The following LRRTM4 variants were observed in gnomAD, a reference collection of about 807,000 sequenced individuals.
LRRTM4 encodes leucine rich repeat transmembrane neuronal 4, also known as leucine-rich repeat transmembrane neuronal protein 4.
A neutral mutation model predicts 47.6 loss-of-function variants in LRRTM4; 25 were observed. The ratio of observed to expected loss-of-function variants is 0.53; its 90% CI spans 0.38 to 0.73. The LOEUF (loss-of-function observed/expected upper bound fraction) is 0.73, where lower values mean the gene tolerates loss of function less well. Ranked by LOEUF, LRRTM4 falls within the 30% of genes least tolerant of loss-of-function variation. LRRTM4 has a pLI of 0.00. For missense variants in LRRTM4, 638 were observed against 713.4 expected (o/e 0.89, Z 1.20); for synonymous variants, 311 against 269.5 (o/e 1.15, Z -1.51).
intron 3 of LRRTM4, among the ~76,000 whole-genome samples, chr2:76,778,375 G>A (rs1490507599): frequency 7.0e-6 from 1 of 142,196 alleles, no homozygotes; most frequent in Non-Finnish European, 1.5e-5. Flanking sequence ...ATTCGGCTGT[G>A]AATCCATCTG....
Position 77,083,125 on chromosome 2 carries a change from T to A in LRRTM4, c.1552-334209A>T, listed in dbSNP as rs923196617. On this transcript the variant is annotated intron_variant, in intron 3 of 3. Transcript: ENST00000409884. ...TCAGATTCATTCATTATTATTTTTA[T>A]GAGCAAACCTGGAAAATTTCAATCC... 2.0e-5 allele frequency among the ~76,000 whole-genome samples: 3 copies of A among 152,218 alleles called. No homozygotes were observed. The East Asian group carries it at 5.8e-4, about 29-fold the overall frequency.
intron 3 of LRRTM4, among the ~76,000 whole-genome samples, chr2:76,895,916 T>C (rs1239570354): frequency 1.3e-5 from 2 of 152,022 alleles, no homozygotes; most frequent in African/African-American, 2.4e-5. Flanking sequence ...CACTCAGCTG[T>C]GGAAGGTGGT....
chr2:76,903,567 C>G (rs896157934), intron 3 of LRRTM4, among the ~76,000 whole-genome samples: 1 of 151,904 alleles, frequency 6.6e-6, no homozygotes, highest in Non-Finnish European at 1.5e-5. Context: ...GAAGAACAAA[C>G]AAAACAACAA....
chr2:77,052,484 A>G (rs1244207499), intron 3 of LRRTM4, among the ~76,000 whole-genome samples: 1 of 151,834 alleles, frequency 6.6e-6, no homozygotes, highest in African/African-American at 2.4e-5. Context: ...CTCCCTTTTC[A>G]TAAAAGAGAT....
At chr2:77,126,845 G>A (rs911009610) in intron 3 of LRRTM4, among the ~76,000 whole-genome samples, 1 of 152,168 alleles carries the variant, frequency 6.6e-6, no homozygotes, top group African/African-American at 2.4e-5. Context: ...CTTTTTTCAG[G>A]AGAGGGTTGC....
intron 3 of LRRTM4, among the ~76,000 whole-genome samples, chr2:77,096,997 C>T (rs912778642): frequency 1.3e-5 from 2 of 151,512 alleles, no homozygotes; most frequent in Non-Finnish European, 3.0e-5. Context: ...TTATAATGAA[C>T]ACAACAAAAG....
intron 3 of LRRTM4, among the ~76,000 whole-genome samples, chr2:76,890,915 T>C (rs961269584): frequency 1.3e-5 from 2 of 151,798 alleles, no homozygotes; most frequent in Non-Finnish European, 1.5e-5. Flanking sequence ...GTTGCAGAAA[T>C]TGGAGGAAAA....
chr2:77,004,497 G>T (rs976506881), intron 3 of LRRTM4, among the ~76,000 whole-genome samples: 1 of 151,992 alleles, frequency 6.6e-6, no homozygotes, highest in East Asian at 1.9e-4. Context: ...AGATTTCAGA[G>T]CATGTATGAA....
At chr2:77,135,077 A>T (rs1558597729) in intron 3 of LRRTM4, among the ~76,000 whole-genome samples, 1 of 152,212 alleles carries the variant, frequency 6.6e-6, no homozygotes, top group Non-Finnish European at 1.5e-5. Context: ...AAACAACAAC[A>T]GCAGCAACTA....
At chr2:76,794,807 A>C (rs1675179927) in intron 3 of LRRTM4, among the ~76,000 whole-genome samples, 1 of 152,160 alleles carries the variant, frequency 6.6e-6, no homozygotes, top group African/African-American at 2.4e-5. Flanking sequence ...AGTAGCATCA[A>C]TCCCCCAAGT....
intron 3 of LRRTM4, among the ~76,000 whole-genome samples, chr2:77,293,465 C>T (rs962515394): frequency 6.6e-5 from 10 of 151,994 alleles, no homozygotes; most frequent in African/African-American, 9.7e-5. Context: ...CAGGGAACCA[C>T]TAAAATAATA....
At position 77,204,673 on chromosome 2, in the gene LRRTM4, C is replaced by A. The variant is rs115438954; in HGVS notation, c.1551+313645G>T. On this transcript the variant is annotated intron_variant, in intron 3 of 3. Coordinates refer to ENST00000409884, the MANE Select transcript of LRRTM4 (RefSeq NM_001134745.3). The stretch of plus-strand genomic sequence containing the variant: ...TGCCATTCCCAAATCATAACACTTT[C>A]TGTGATTCATTGTTAAAAAGTTTGA... Among the ~76,000 whole-genome samples the A allele has an allele frequency of 5.1e-3, 773 of 152,236 alleles. 6 individuals are homozygous for A. Among genetic ancestry groups the A allele is most frequent in the African/African-American group, 0.018 (738 of 41,548 alleles).
intron 3 of LRRTM4, among the ~76,000 whole-genome samples, chr2:76,990,392 T>C (rs545544070): frequency 4.6e-5 from 7 of 151,854 alleles, no homozygotes; most frequent in African/African-American, 1.7e-4. Flanking sequence ...CCCATCTGTC[T>C]GCTGTCTTTA....
chr2:77,149,443 G>T (rs1672357347), intron 3 of LRRTM4, among the ~76,000 whole-genome samples: 1 of 151,662 alleles, frequency 6.6e-6, no homozygotes, highest in Non-Finnish European at 1.5e-5. Context: ...CAGATTCCTT[G>T]GTCTATTAAA....
At chr2:77,103,312 G>T (rs1671005825) in intron 3 of LRRTM4, among the ~76,000 whole-genome samples, 1 of 152,126 alleles carries the variant, frequency 6.6e-6, no homozygotes, top group South Asian at 2.1e-4. Context: ...AGATACAACA[G>T]ATATGAGAGA....
At chr2:77,405,551 C>T (rs1203367370) in intron 3 of LRRTM4, among the ~76,000 whole-genome samples, 1 of 151,926 alleles carries the variant, frequency 6.6e-6, no homozygotes, top group Admixed American at 6.6e-5. Flanking sequence ...ATTTTTTTGC[C>T]TCTCACACTT....
At chr2:76,889,460 C>G (rs562527221) in intron 3 of LRRTM4, among the ~76,000 whole-genome samples, 1 of 151,856 alleles carries the variant, frequency 6.6e-6, no homozygotes, top group African/African-American at 2.4e-5. Context: ...AATAAAGTAT[C>G]CCTTCCTTCA....
chr2:77,145,647 A>G (rs6736486), intron 3 of LRRTM4, among the ~76,000 whole-genome samples: 13,879 of 151,164 alleles, frequency 0.092, 2,052 homozygotes, highest in African/African-American at 0.31. Flanking sequence ...GGTGGCGGGC[A>G]CCTGTAGTCC....
chr2:77,510,726 C>G (rs1678951556), intron 3 of LRRTM4, among the ~76,000 whole-genome samples: 1 of 152,072 alleles, frequency 6.6e-6, no homozygotes, highest in Non-Finnish European at 1.5e-5. Flanking sequence ...TCTTAAGCAA[C>G]TCATCCATGT....
Sources: allele counts gnomAD v4.1 joint callset (sites outside exome capture counted in the v4.1 genomes callset), GRCh38; gene constraint gnomAD v4.1.1; transcripts MANE v1.5; gene names NCBI Gene and HGNC (gene_info 2026-07-23, HGNC 2026-07-21).